The following ZNF892 variants were observed in gnomAD, a reference collection of about 807,000 sequenced individuals.
ZNF892 encodes zinc finger protein 892, also known as zinc finger protein 570-like.
chr2:95,261,405 C>T, the ZNF892 span, among the ~76,000 whole-genome samples: 1 of 152,118 alleles, frequency 6.6e-6, no homozygotes, highest in Non-Finnish European at 1.5e-5. Flanking sequence ...AGTGATTCTC[C>T]TGCCTCAGCC....
the ZNF892 span, among the ~76,000 whole-genome samples, chr2:95,261,591 G>A: frequency 6.6e-6 from 1 of 152,182 alleles, no homozygotes; most frequent in Non-Finnish European, 1.5e-5. Context: ...CACCACGACT[G>A]GCCTCCACAA....
At chr2:95,238,972 C>G in the ZNF892 span, among the ~76,000 whole-genome samples, 1 of 152,024 alleles carries the variant, frequency 6.6e-6, no homozygotes. Context: ...AACCCCGTCT[C>G]TACTAAAAAT....
the ZNF892 span, among the ~76,000 whole-genome samples, chr2:95,223,937 G>T: frequency 6.6e-6 from 1 of 152,192 alleles, no homozygotes; most frequent in African/African-American, 2.4e-5. Context: ...CCTTTGGGAA[G>T]TGATTAGGTC....
chr2:95,222,136 G>C, the ZNF892 span, among the ~76,000 whole-genome samples: 1 of 151,934 alleles, frequency 6.6e-6, no homozygotes, highest in African/African-American at 2.4e-5. Context: ...TCCCCACCCC[G>C]CATTGAGTAT....
chr2:95,237,375 A>C, the ZNF892 span, among the ~76,000 whole-genome samples: 1 of 152,056 alleles, frequency 6.6e-6, no homozygotes, highest in Non-Finnish European at 1.5e-5. Flanking sequence ...CTTGAACTCC[A>C]ATCAGTGATC....
chr2:95,209,047 A>G, the ZNF892 span, among the ~76,000 whole-genome samples: 1 of 152,222 alleles, frequency 6.6e-6, no homozygotes, highest in Non-Finnish European at 1.5e-5. Flanking sequence ...AGAAATACAT[A>G]AATAAAATAG....
chr2:95,257,377 G>A, the ZNF892 span, among the ~76,000 whole-genome samples: 1 of 152,216 alleles, frequency 6.6e-6, no homozygotes, highest in Non-Finnish European at 1.5e-5. Flanking sequence ...GGAGGCTGCA[G>A]AACAGCAGAT....
At chr2:95,238,572 A>G in the ZNF892 span, among the ~76,000 whole-genome samples, 1 of 152,216 alleles carries the variant, frequency 6.6e-6, no homozygotes, top group African/African-American at 2.4e-5. Context: ...AAGCCTTACT[A>G]TTATTTAAGA....
chr2:95,256,572 G>A, the ZNF892 span, among the ~76,000 whole-genome samples: 1 of 152,166 alleles, frequency 6.6e-6, no homozygotes, highest in Non-Finnish European at 1.5e-5. Context: ...TTCTTGAGGA[G>A]TATCTTTGTC....
the ZNF892 span, among the ~76,000 whole-genome samples, chr2:95,231,188 A>C: frequency 6.6e-6 from 1 of 152,256 alleles, no homozygotes; most frequent in Non-Finnish European, 1.5e-5. Flanking sequence ...GTCCATTAGC[A>C]GTATAATAGA....
the ZNF892 span, chr2:95,208,751 CTTCT>C: frequency 2.5e-6 from 1 of 398,680 alleles, no homozygotes; most frequent in African/African-American, 2.1e-5. Context: ...GTTTAGATTT[CTTCT>C]TTCTTTTCCT....
At chr2:95,257,755 G>A in the ZNF892 span, among the ~76,000 whole-genome samples, 2 of 152,308 alleles carry the variant, frequency 1.3e-5, no homozygotes, top group South Asian at 2.1e-4. Flanking sequence ...ACCTACTCAA[G>A]CCTCGGCAGT....
At chr2:95,240,561 G>A in the ZNF892 span, among the ~76,000 whole-genome samples, 1 of 152,228 alleles carries the variant, frequency 6.6e-6, no homozygotes, top group Non-Finnish European at 1.5e-5. Flanking sequence ...AGACCCAGGA[G>A]TTTTACATAC....
chr2:95,261,817 G>A, the ZNF892 span, among the ~76,000 whole-genome samples: 2 of 152,300 alleles, frequency 1.3e-5, no homozygotes, highest in African/African-American at 4.8e-5. Context: ...GGGACCTCCA[G>A]GCAGAAGTCC....
the ZNF892 span, among the ~76,000 whole-genome samples, chr2:95,256,534 C>A: frequency 6.6e-6 from 1 of 152,190 alleles, no homozygotes; most frequent in South Asian, 2.1e-4. Context: ...TTTGGTGAAT[C>A]TGACAATTAT....
At chr2:95,212,214 A>G in the ZNF892 span, 1 of 398,470 alleles carries the variant, frequency 2.5e-6, no homozygotes, top group Non-Finnish European at 4.4e-6. Context: ...TCCACACCTG[A>G]TGTAATCTCT....
chr2:95,246,857 G>A, the ZNF892 span, among the ~76,000 whole-genome samples: 3 of 152,028 alleles, frequency 2.0e-5, no homozygotes, highest in Non-Finnish European at 4.4e-5. Flanking sequence ...AAATTAGAGA[G>A]GACACAGACA....
chr2:95,244,901 A>G, the ZNF892 span, among the ~76,000 whole-genome samples: 19 of 152,210 alleles, frequency 1.2e-4, no homozygotes, highest in Non-Finnish European at 2.4e-4. Flanking sequence ...AAAACCACAC[A>G]ACTACATGGA....
chr2:95,262,641 C>G, the ZNF892 span, among the ~76,000 whole-genome samples: 2 of 152,172 alleles, frequency 1.3e-5, no homozygotes, highest in African/African-American at 4.8e-5. Context: ...TAGAGACTGC[C>G]TTAGGATGAT....
Sources: gnomAD v4.1 joint callset for allele counts (sites outside exome capture counted in the v4.1 genomes callset) on GRCh38, gnomAD v4.1.1 for gene constraint, MANE v1.5 for transcripts, NCBI Gene and HGNC (gene_info 2026-07-23, HGNC 2026-07-21) for gene names.